Variants in IGF2BP2 observed in about 807,000 individuals in gnomAD.
IGF2BP2 encodes insulin like growth factor 2 mRNA binding protein 2.
In IGF2BP2, 17 loss-of-function variants were observed where a neutral mutation model predicts 75.8. That is an observed-to-expected ratio of 0.22 (90% CI 0.15 to 0.34). IGF2BP2 has a LOEUF of 0.34. Among genes scored for constraint, IGF2BP2 ranks in the 10% least tolerant of loss-of-function variants. The pLI is 1.00. For missense variants in IGF2BP2, 516 were observed against 772.4 expected (o/e 0.67, Z 3.93); for synonymous variants, 288 against 295.6 (o/e 0.97, Z 0.26).
At chr3:185,818,141 T>A (rs1740849756) in intron 2 of IGF2BP2, among the ~76,000 whole-genome samples, 1 of 152,240 alleles carries the variant, frequency 6.6e-6, no homozygotes, top group Non-Finnish European at 1.5e-5. Context: ...GCACTTGTGT[T>A]ATGCAAAATA....
chr3:185,803,656 GCAC>G (rs1441075220), intron 2 of IGF2BP2, among the ~76,000 whole-genome samples: 1 of 152,138 alleles, frequency 6.6e-6, no homozygotes, highest in African/African-American at 2.4e-5. Flanking sequence ...TGTCTCAATG[GCAC>G]CAGAAACCTA....
chr3:185,742,761 C>A (rs1729739462), intron 2 of IGF2BP2, among the ~76,000 whole-genome samples: 1 of 152,178 alleles, frequency 6.6e-6, no homozygotes, highest in Admixed American at 6.5e-5. Context: ...ATATGAACTG[C>A]ATGATTTCAG....
intron 2 of IGF2BP2, among the ~76,000 whole-genome samples, chr3:185,698,573 C>T (rs184216878): frequency 1.3e-5 from 2 of 152,176 alleles, no homozygotes; most frequent in East Asian, 1.9e-4. Context: ...GGTGCGGTCT[C>T]GGCTCACTGC....
intron 8 of IGF2BP2, 72 bp from the exon 9 acceptor site, chr3:185,675,503 CACAA>C (rs1167144150): frequency 7.7e-6 from 12 of 1,556,244 alleles, no homozygotes; most frequent in African/African-American, 5.5e-5. Context: ...ATAAAAAAAT[CACAA>C]ACAAGTTTTG....
At chr3:185,819,662 G>A (rs995578050) in intron 2 of IGF2BP2, among the ~76,000 whole-genome samples, 2 of 151,666 alleles carry the variant, frequency 1.3e-5, no homozygotes, top group African/African-American at 2.4e-5. Flanking sequence ...TATATTCTGT[G>A]TTAATATATG....
At chr3:185,748,890 G>A (rs1428519074) in intron 2 of IGF2BP2, among the ~76,000 whole-genome samples, 4 of 152,316 alleles carry the variant, frequency 2.6e-5, no homozygotes, top group African/African-American at 9.6e-5. Flanking sequence ...TTGGCTGGAC[G>A]CAGTGGCTCA....
chr3:185,808,066 G>A (rs1214688258), intron 2 of IGF2BP2, among the ~76,000 whole-genome samples: 1 of 150,864 alleles, frequency 6.6e-6, no homozygotes, highest in Non-Finnish European at 1.5e-5. Flanking sequence ...AATAGCTTGA[G>A]CCTGGGAGTT....
chr3:185,660,271 G>T (rs576292747), intron 10 of IGF2BP2, among the ~76,000 whole-genome samples: 1 of 152,186 alleles, frequency 6.6e-6, no homozygotes, highest in Admixed American at 6.5e-5. Flanking sequence ...CCAGGAAGAC[G>T]ATTCCAACAG....
chr3:185,820,411 A>C (rs1273810340), intron 2 of IGF2BP2, among the ~76,000 whole-genome samples: 2 of 152,066 alleles, frequency 1.3e-5, no homozygotes, highest in East Asian at 3.8e-4. Context: ...CTACCAAGAA[A>C]TATTAATAGA....
intron 2 of IGF2BP2, among the ~76,000 whole-genome samples, chr3:185,714,228 AG>A (rs1725256983): frequency 6.6e-6 from 1 of 152,052 alleles, no homozygotes; most frequent in Non-Finnish European, 1.5e-5. Context: ...AGTATAGGGT[AG>A]TATTATTCTT....
At chr3:185,781,097 T>C (rs1735146870) in intron 2 of IGF2BP2, among the ~76,000 whole-genome samples, 1 of 152,156 alleles carries the variant, frequency 6.6e-6, no homozygotes, top group African/African-American at 2.4e-5. Flanking sequence ...TTTTTTAACT[T>C]TTCCAATACC....
At position 185,821,584 on chromosome 3, in the gene IGF2BP2, A is replaced by T. The variant is rs376256929; in HGVS notation, c.239+1569T>A. Among the ~76,000 whole-genome samples, 38 of 152,366 alleles carry T rather than the reference A, an allele frequency of 2.5e-4. No homozygotes were observed. In the South Asian group the frequency reaches 7.9e-3, roughly 32 times the overall value. On this transcript the variant is annotated intron_variant, in intron 2 of 15. Transcript: ENST00000382199. ...TATTTCACATATACCACAAAATTAAATAATGCACACTGCAACATGAAATGA... is the reference window on the plus strand; with the variant it reads ...TATTTCACATATACCACAAAATTAATTAATGCACACTGCAACATGAAATGA...
intron 5 of IGF2BP2, among the ~76,000 whole-genome samples, chr3:185,690,599 TAC>T (rs937525747): frequency 1.2e-4 from 18 of 152,306 alleles, no homozygotes; most frequent in African/African-American, 4.1e-4. Context: ...CTTTTACAGT[TAC>T]ACACACTGTC....
At chr3:185,784,499 C>G (rs377471159) in intron 2 of IGF2BP2, among the ~76,000 whole-genome samples, 1 of 152,242 alleles carries the variant, frequency 6.6e-6, no homozygotes, top group African/African-American at 2.4e-5. Context: ...ATCCTTTACA[C>G]TGCTCTTTAG....
chr3:185,805,741 C>T (rs1011497049), intron 2 of IGF2BP2, among the ~76,000 whole-genome samples: 2 of 151,062 alleles, frequency 1.3e-5, no homozygotes, highest in Admixed American at 1.3e-4. Context: ...CCTCTTAACT[C>T]GGGAAGATTA....
At chr3:185,682,653 T>C (rs1265433294) in intron 7 of IGF2BP2, among the ~76,000 whole-genome samples, 1 of 152,174 alleles carries the variant, frequency 6.6e-6, no homozygotes, top group African/African-American at 2.4e-5. Flanking sequence ...CTAAAGATGA[T>C]ATACAAATGG....
chr3:185,650,056 G>A (rs1714315825), intron 13 of IGF2BP2, among the ~76,000 whole-genome samples: 1 of 151,476 alleles, frequency 6.6e-6, no homozygotes, highest in African/African-American at 2.4e-5. Context: ...AGGTTGGAGT[G>A]CAGTGGCACG....
At chr3:185,763,351 C>G (rs1049403997) in intron 2 of IGF2BP2, among the ~76,000 whole-genome samples, 2 of 152,126 alleles carry the variant, frequency 1.3e-5, no homozygotes, top group African/African-American at 2.4e-5. Context: ...TTAGTAGGTC[C>G]CTGGTCATGT....
chr3:185,696,840 G>A (rs1407339404), intron 3 of IGF2BP2, among the ~76,000 whole-genome samples, 177 bp from the exon 4 acceptor site: 1 of 152,130 alleles, frequency 6.6e-6, no homozygotes, highest in Non-Finnish European at 1.5e-5. Flanking sequence ...ACAAATATAT[G>A]GGACCTACAT....
Sources: allele counts gnomAD v4.1 joint callset (sites outside exome capture counted in the v4.1 genomes callset), GRCh38; gene constraint gnomAD v4.1.1; transcripts MANE v1.5; gene names NCBI Gene and HGNC (gene_info 2026-07-23, HGNC 2026-07-21).